The following CRY1 variants were observed in gnomAD, a reference collection of about 807,000 sequenced individuals.
CRY1 encodes the protein cryptochrome circadian regulator 1.
Under a neutral mutation model 76.0 loss-of-function variants are expected in CRY1, and 45 were observed. The ratio of observed to expected loss-of-function variants is 0.59; its 90% confidence interval spans 0.47 to 0.76. The LOEUF (loss-of-function observed/expected upper bound fraction) is 0.76. Ranked by LOEUF, CRY1 falls within the 30% of genes least tolerant of loss-of-function variation. The pLI is 0.00. For missense variants in CRY1, 587 were observed against 716.4 expected, an observed-to-expected ratio of 0.82 and a Z score of 2.06; for synonymous variants, 248 against 244.0, an observed-to-expected ratio of 1.02 and a Z score of -0.15.
intron 1 of CRY1, among the ~76,000 whole-genome samples, chr12:107,024,721 T>A (rs116142128): frequency 0.023 from 3,484 of 152,332 alleles, 48 homozygotes; most frequent in African/African-American, 0.039. Context: ...CAGAATGATA[T>A]GGACTAAAGT....
chr12:107,073,243 CTT>C (rs572589570), intron 1 of CRY1, among the ~76,000 whole-genome samples: 4 of 147,942 alleles, frequency 2.7e-5, no homozygotes, highest in Non-Finnish European at 6.0e-5. Context: ...CTCTCTCTCT[CTT>C]TTTTTTTTGA....
At chr12:107,005,551 T>G (rs1952363735) in intron 2 of CRY1, among the ~76,000 whole-genome samples, 1 of 152,232 alleles carries the variant, frequency 6.6e-6, no homozygotes, top group African/African-American at 2.4e-5. Context: ...ATACTTACAT[T>G]ATTTCATTTG....
intron 1 of CRY1, among the ~76,000 whole-genome samples, chr12:107,088,954 C>CTA (rs1953436467): frequency 2.0e-5 from 3 of 152,212 alleles, no homozygotes; most frequent in African/African-American, 7.2e-5. Flanking sequence ...TCTCTCTATA[C>CTA]ATTTGCCCAC....
chr12:107,085,706 T>C (rs78865529), intron 1 of CRY1, among the ~76,000 whole-genome samples: 2 of 152,236 alleles, frequency 1.3e-5, no homozygotes, highest in East Asian at 1.9e-4. Flanking sequence ...AAATACCTAA[T>C]GCATGTGGGG....
At chr12:107,000,666 T>C (rs568617096) in intron 5 of CRY1, among the ~76,000 whole-genome samples, 1 of 146,222 alleles carries the variant, frequency 6.8e-6, no homozygotes, top group African/African-American at 2.5e-5. Flanking sequence ...TTTATTTATT[T>C]TGAGATGGAG....
intron 1 of CRY1, among the ~76,000 whole-genome samples, chr12:107,041,800 G>A (rs1184445665): frequency 6.6e-6 from 1 of 150,674 alleles, no homozygotes; most frequent in East Asian, 1.9e-4. Flanking sequence ...GGTGGGGGTG[G>A]GGAAGAGTGC....
chr12:107,067,184 G>C (rs145591436), intron 1 of CRY1, among the ~76,000 whole-genome samples: 1 of 152,080 alleles, frequency 6.6e-6, no homozygotes, highest in Admixed American at 6.6e-5. Context: ...GTTAAGAAAG[G>C]CTTTTAATTT....
rs561519174 is a variant in CRY1, at chr12:107,041,878, C to A, written c.159-19686G>T. 6.6e-5 allele frequency among the ~76,000 whole-genome samples: 10 copies of A among 151,972 alleles called. No individual in the cohort carries two copies. In the South Asian group the frequency reaches 2.1e-3, roughly 32 times the overall value. The stretch of plus-strand genomic sequence containing the variant: ...CAGATTTTGGTTTTTAAATATCGTC[C>A]CCCAATAAGAATAACCAAGACTCAA... On this transcript the variant is annotated intron_variant, in intron 1 of 12. Coordinates refer to ENST00000008527, the MANE Select transcript of CRY1 (RefSeq NM_004075.5).
At chr12:107,063,376 A>G (rs144771414) in intron 1 of CRY1, among the ~76,000 whole-genome samples, 1 of 152,330 alleles carries the variant, frequency 6.6e-6, no homozygotes, top group East Asian at 1.9e-4. Flanking sequence ...ATAGATAAAA[A>G]GGACTGGAAC....
intron 10 of CRY1, 76 bp downstream of exon 10, chr12:106,997,218 G>C: frequency 8.0e-7 from 1 of 1,257,850 alleles, no homozygotes; most frequent in Non-Finnish European, 1.2e-6. Context: ...AAATATGTTA[G>C]TGAGGATCAA....
At chr12:107,030,163 G>T (rs371255060) in intron 1 of CRY1, among the ~76,000 whole-genome samples, 1 of 152,076 alleles carries the variant, frequency 6.6e-6, no homozygotes, top group East Asian at 1.9e-4. Context: ...CAGAAGAAAG[G>T]GATTTTAAAG....
At chr12:107,000,270 C>T (rs10861688) in intron 5 of CRY1, among the ~76,000 whole-genome samples, 188 bp from the exon 6 acceptor site, 22,455 of 151,978 alleles carry the variant, frequency 0.15, 1,990 homozygotes, top group East Asian at 0.28. Flanking sequence ...TTGTTTCAGT[C>T]GTCCTTGTGC....
At chr12:107,041,093 C>A (rs537625654) in intron 1 of CRY1, among the ~76,000 whole-genome samples, 55 of 151,878 alleles carry the variant, frequency 3.6e-4, no homozygotes, top group Admixed American at 9.8e-4. Context: ...TCTACACTTA[C>A]AGAGAGAAAT....
chr12:107,023,507 C>T (rs916671919), intron 1 of CRY1, among the ~76,000 whole-genome samples: 5 of 152,164 alleles, frequency 3.3e-5, no homozygotes, highest in Admixed American at 1.3e-4. Flanking sequence ...TCATTTTGTT[C>T]GCTTTACACA....
At position 107,001,295 on chromosome 12, in the gene CRY1, C is replaced by T; in HGVS notation, c.669G>A (p.Arg223=). 6.2e-7 allele frequency: 1 copy of T among 1,613,346 alleles called. No individual in the cohort carries two copies. Among genetic ancestry groups the T allele is most frequent in the Non-Finnish European group, 8.5e-7 (1 of 1,179,468 alleles). The change falls in exon 5 of 13, where the codon AGG becomes AGA. Residue 223 remains arginine (R), a synonymous_variant. Transcript: ENST00000008527. The part of the protein sequence containing the change: ...GETEALTRLE[R]HLERKAWVAN... ...ATTATCATACTTTTCTTTCCAAATG[C>T]CTTTCCAAACGAGTAAGTGCTTCAG...
chr12:106,998,693 A>ACAC lies in CRY1; in HGVS notation c.1138-628_1138-627insGTG, dbSNP rs1238131760. ...ACACACACACACACACACACACACA[A>ACAC]GCTCAGAAATGGTCCTTGGATGGGG... On this transcript the variant is annotated intron_variant, in intron 7 of 12. Transcript: ENST00000008527. 6.1e-3 allele frequency among the ~76,000 whole-genome samples: 493 copies of ACAC among 80,554 alleles called. 5 individuals carry two copies. The highest frequency in any genetic ancestry group is 9.3e-3 in the African/African-American group (183 of 19,642). 52.8% of individuals were successfully genotyped at this position (80,554 alleles called of 152,430 possible).
chr12:107,047,566 C>T (rs1476540027), intron 1 of CRY1, among the ~76,000 whole-genome samples: 1 of 152,116 alleles, frequency 6.6e-6, no homozygotes. Context: ...TTTGTTCTCA[C>T]AAGATCTGAT....
chr12:107,071,216 T>A (rs1953187401), intron 1 of CRY1, among the ~76,000 whole-genome samples: 1 of 152,116 alleles, frequency 6.6e-6, no homozygotes, highest in African/African-American at 2.4e-5. Context: ...ACTTCTAAAT[T>A]TTACCCATTA....
intron 1 of CRY1, among the ~76,000 whole-genome samples, chr12:107,078,065 A>G (rs1335322986): frequency 6.6e-6 from 1 of 152,250 alleles, no homozygotes; most frequent in Non-Finnish European, 1.5e-5. Flanking sequence ...ACTGATTCAA[A>G]TAAGAATCTG....
Sources: gnomAD v4.1 joint callset for allele counts (sites outside exome capture counted in the v4.1 genomes callset) on GRCh38, gnomAD v4.1.1 for gene constraint, MANE v1.5 for transcripts, NCBI Gene and HGNC (gene_info 2026-07-23, HGNC 2026-07-21) for gene names.